The following ERBB4 variants were observed in gnomAD, a reference collection of about 807,000 sequenced individuals.
ERBB4 encodes the protein receptor tyrosine-protein kinase erbB-4.
ERBB4 carries 42 observed loss-of-function variants against 158.0 expected under a neutral mutation model. The observed-to-expected ratio is 0.27, with a 90% CI of 0.21 to 0.34. The LOEUF (loss-of-function observed/expected upper bound fraction) is 0.34. Ranked by LOEUF, ERBB4 falls within the 10% of genes least tolerant of loss-of-function variation. The pLI, the probability that ERBB4 is intolerant of heterozygous loss-of-function variation, is 1.00. For synonymous variants in ERBB4, 583 were observed against 558.7 expected (o/e 1.04, Z -0.61); for missense variants, 1,333 against 1,624.1 (o/e 0.82, Z 3.08).
At chr2:211,856,478 C>T (rs577047902) in intron 3 of ERBB4, among the ~76,000 whole-genome samples, 121 of 151,934 alleles carry the variant, frequency 8.0e-4, no homozygotes, top group African/African-American at 2.7e-3. Context: ...CTCTGCCTCC[C>T]GGGTTCACGC....
At chr2:211,691,122 C>CT (rs935652936) in intron 12 of ERBB4, among the ~76,000 whole-genome samples, 13 of 152,024 alleles carry the variant, frequency 8.6e-5, no homozygotes, top group Middle Eastern at 3.4e-3. Flanking sequence ...TATTGTTCAT[C>CT]TTTTTTTTAA....
intron 1 of ERBB4, among the ~76,000 whole-genome samples, chr2:212,199,827 C>A (rs1178302926): frequency 6.6e-6 from 1 of 151,870 alleles, no homozygotes; most frequent in South Asian, 2.1e-4. Flanking sequence ...CCAGAGACAG[C>A]CAATGAACCA....
chr2:211,705,268 T>C (rs187756203), intron 10 of ERBB4, 50 bp downstream of exon 10: 16 of 1,322,332 alleles, frequency 1.2e-5, no homozygotes, highest in Non-Finnish European at 1.5e-5. Context: ...GTGTAATTTT[T>C]AAAAAAATTA....
chr2:211,689,839 G>C (rs1159489668), intron 12 of ERBB4, among the ~76,000 whole-genome samples: 2 of 151,890 alleles, frequency 1.3e-5, no homozygotes, highest in Non-Finnish European at 2.9e-5. Context: ...ATCCTGAAGA[G>C]GGAAAGTTGT....
chr2:211,395,190 A>G (rs2062884719), intron 25 of ERBB4, among the ~76,000 whole-genome samples: 1 of 152,150 alleles, frequency 6.6e-6, no homozygotes, highest in Non-Finnish European at 1.5e-5. Flanking sequence ...TGTTCAAAGT[A>G]TCACTTAGGC....
intron 2 of ERBB4, among the ~76,000 whole-genome samples, chr2:212,098,866 A>G (rs1445289884): frequency 6.6e-6 from 1 of 152,168 alleles, no homozygotes; most frequent in East Asian, 1.9e-4. Context: ...ATATTTATTC[A>G]GGAATGATGC....
intron 20 of ERBB4, among the ~76,000 whole-genome samples, chr2:211,542,253 T>A (rs4411634): frequency 6.6e-6 from 1 of 151,798 alleles, no homozygotes; most frequent in East Asian, 1.9e-4. Flanking sequence ...AGTGCCAGAC[T>A]GCTTGAGCAT....
intron 3 of ERBB4, among the ~76,000 whole-genome samples, chr2:211,934,722 G>A (rs1037998099): frequency 3.3e-5 from 5 of 151,724 alleles, no homozygotes; most frequent in South Asian, 2.1e-4. Context: ...TATGAAGTCC[G>A]TGCCCAATTA....
intron 20 of ERBB4, among the ~76,000 whole-genome samples, chr2:211,523,168 A>G (rs2066235491): frequency 7.1e-6 from 1 of 141,592 alleles, no homozygotes; most frequent in South Asian, 2.8e-4. Context: ...TGCCTAAAAC[A>G]AAAAAGCACC....
intron 1 of ERBB4, among the ~76,000 whole-genome samples, chr2:212,254,278 C>G (rs1025393718): frequency 6.6e-6 from 1 of 152,106 alleles, no homozygotes; most frequent in Non-Finnish European, 1.5e-5. Flanking sequence ...AACCCAGTGC[C>G]TAATTTCATA....
intron 19 of ERBB4, among the ~76,000 whole-genome samples, chr2:211,586,381 C>T (rs2068278534): frequency 6.6e-6 from 1 of 152,056 alleles, no homozygotes; most frequent in African/African-American, 2.4e-5. Flanking sequence ...AAAGAATTTA[C>T]AGCAAAAGAA....
At chr2:211,993,023 C>T (rs952592891) in intron 2 of ERBB4, among the ~76,000 whole-genome samples, 2 of 152,176 alleles carry the variant, frequency 1.3e-5, no homozygotes, top group Non-Finnish European at 2.9e-5. Flanking sequence ...ATCTGATAGC[C>T]CACAACATCT....
rs1436237389 is a variant in ERBB4, at chr2:211,545,096, T to C, written c.2487+16807A>G. On this transcript the variant is annotated intron_variant, in intron 20 of 27. Transcript: ENST00000342788. ...ACTGGCCCTACATTCTTCCAGTCTA[T>C]AGTAGAAACTGAGTCATTTCAGGCT... 2.0e-5 allele frequency among the ~76,000 whole-genome samples: 3 copies of C among 152,218 alleles called. No individual in the cohort carries two copies. The East Asian group carries it at 5.8e-4, about 29-fold the overall frequency.
At chr2:211,790,229 A>C (rs984539871) in intron 3 of ERBB4, among the ~76,000 whole-genome samples, 1 of 152,020 alleles carries the variant, frequency 6.6e-6, no homozygotes, top group Non-Finnish European at 1.5e-5. Context: ...TCTAGGAATA[A>C]TTTTCCATTA....
intron 9 of ERBB4, among the ~76,000 whole-genome samples, chr2:211,709,254 C>CATATAT (rs200613120): frequency 4.4e-4 from 45 of 101,528 alleles, no homozygotes; most frequent in African/African-American, 1.7e-3. Context: ...TATATATACA[C>CATATAT]ATATATATAT....
intron 1 of ERBB4, among the ~76,000 whole-genome samples, chr2:212,244,570 C>A (rs1275194620): frequency 1.3e-5 from 2 of 152,166 alleles, no homozygotes; most frequent in East Asian, 3.8e-4. Flanking sequence ...AGAGAGACGT[C>A]TAGGAGAAAA....
intron 7 of ERBB4, among the ~76,000 whole-genome samples, chr2:211,716,199 C>T (rs535692113): frequency 6.6e-6 from 1 of 150,954 alleles, no homozygotes; most frequent in East Asian, 2.0e-4. Flanking sequence ...CCTGTCTCTA[C>T]TAAAAATACA....
intron 4 of ERBB4, among the ~76,000 whole-genome samples, chr2:211,773,775 T>C (rs1324062995): frequency 2.7e-5 from 4 of 150,078 alleles, no homozygotes; most frequent in African/African-American, 9.8e-5. Context: ...GAAGTATATA[T>C]ATAAAGGAGA....
chr2:212,378,551 T>C (rs60630046), intron 1 of ERBB4, among the ~76,000 whole-genome samples: 13,709 of 151,840 alleles, frequency 0.09, 729 homozygotes, highest in Admixed American at 0.12. Context: ...CTTGAGAGAG[T>C]TATTTTCACC....
Sources: gnomAD v4.1 joint callset for allele counts (sites outside exome capture counted in the v4.1 genomes callset) on GRCh38, gnomAD v4.1.1 for gene constraint, MANE v1.5 for transcripts, NCBI Gene and HGNC (gene_info 2026-07-23, HGNC 2026-07-21) for gene names.